The following OPA3 variants were observed in gnomAD, a reference collection of about 807,000 sequenced individuals.
OPA3 encodes outer mitochondrial membrane lipid metabolism regulator OPA3, also known as optic atrophy 3 protein.
Under a neutral mutation model 4.0 loss-of-function variants are expected in OPA3, and 6 were observed. The ratio of observed to expected loss-of-function variants is 1.51; its 90% confidence interval spans 0.83 to 2.99. The LOEUF (loss-of-function observed/expected upper bound fraction) is 2.99, where lower values mean the gene tolerates loss of function less well. Among genes scored for constraint, OPA3 ranks in the 30% most tolerant of loss-of-function variants. The pLI is 0.00. For synonymous variants in OPA3, 105 were observed against 117.1 expected (o/e 0.90, Z 0.67); for missense variants, 235 against 256.2 (o/e 0.92, Z 0.56).
rs188800529 is a variant in OPA3 at position 45,535,829 on chromosome 19, A to G, written c.143-6373T>C. ...ACCCAGGCTGGAGTGCAATAGCACA[A>G]TTATAGCTCACTATAGCCTTGATCT... On this transcript the variant is annotated intron_variant, in intron 1 of 1. Coordinates refer to the OPA3 transcript ENST00000323060. Among the ~76,000 whole-genome samples the G allele has an allele frequency of 1.9e-3, 281 of 150,068 alleles. 1 individual carries two copies. Among genetic ancestry groups the G allele is most frequent in the African/African-American group, 6.4e-3 (260 of 40,634 alleles).
Position 45,548,170 on chromosome 19 carries a change from A to T in OPA3, c.*5344T>A, listed in dbSNP as rs1372154322. 1 of 986,054 alleles carries T rather than the reference A, an allele frequency of 1.0e-6. No homozygotes were observed. Among genetic ancestry groups the T allele is most frequent in the Non-Finnish European group, 1.2e-6 (1 of 830,428 alleles). 61.1% of individuals were successfully genotyped at this position (986,054 alleles called of 1,614,324 possible). The stretch of plus-strand genomic sequence containing the variant: ...CTCTGTCCACACCGACTCCAGCTAC[A>T]AGCCATTGCCACTGGGGGACCCAAG... On this transcript the variant is annotated 3_prime_UTR_variant, in exon 2 of 2. Transcript: ENST00000263275.
At chr19:45,537,410 A>AAAAAAAAAAAAAAAAAAAAACAAG (rs1555730890) in intron 1 of OPA3, among the ~76,000 whole-genome samples, 1 of 120,060 alleles carries the variant, frequency 8.3e-6, no homozygotes, top group African/African-American at 3.3e-5. Flanking sequence ...AAAAAAAAAA[A>AAAAAAAAAAAAAAAAAAAAACAAG]AAAAAAAAAA....
At chr19:45,561,355 A>C (rs542864110) in intron 1 of OPA3, among the ~76,000 whole-genome samples, 1 of 152,258 alleles carries the variant, frequency 6.6e-6, no homozygotes, top group Non-Finnish European at 1.5e-5. Flanking sequence ...AAAGAAAAAA[A>C]GGACAAAGCA....
intron 1 of OPA3, among the ~76,000 whole-genome samples, chr19:45,555,584 G>A (rs897275732): frequency 2.6e-5 from 4 of 151,864 alleles, no homozygotes; most frequent in African/African-American, 7.3e-5. Flanking sequence ...TCCGCCACCC[G>A]GGTTCACACC....
chr19:45,553,817 C>G lies in OPA3; in HGVS notation c.237G>C (p.Leu79=), dbSNP rs943536843. 9 of 1,613,212 alleles carry G rather than the reference C, an allele frequency of 5.6e-6. No individual in the cohort carries two copies. In the Admixed American group the frequency reaches 1.3e-4, roughly 24 times the overall value. The stretch of plus-strand genomic sequence containing the variant: ...TGGCTTCGCCCAGCAGCTCTGCGCC[C>G]AGCTCAGCTGCCGCCTCCTCGTTCA... ...KPLNEEAAAE[L]GAELLGEATI... The change falls in exon 2 of 2, where the codon CTG becomes CTC. Residue 79 remains leucine, a synonymous_variant. Coordinates refer to ENST00000263275, the MANE Select transcript of OPA3 (RefSeq NM_025136.4).
At chr19:45,536,317 G>T (rs1194425375) in intron 1 of OPA3, among the ~76,000 whole-genome samples, 1 of 151,886 alleles carries the variant, frequency 6.6e-6, no homozygotes, top group Non-Finnish European at 1.5e-5. Context: ...GCTGAGGCAG[G>T]CGGATCACAT....
rs183851663 is a variant in OPA3, at chr19:45,553,116, C to A, written c.*398G>T. 8.0e-4 allele frequency: 918 copies of A among 1,152,816 alleles called. 2 individuals carry two copies. The African/African-American group carries it at 0.013, about 17-fold the overall frequency. The allele number at this position is 1,152,816 out of a possible 1,614,324, so 71.4% of individuals were successfully genotyped here. ...CGATTGACAAAAAGAAGAAGGTGTTCCAGTGTAACAGATGAGTGTCCCAGT... is the reference window on the plus strand; with the variant it reads ...CGATTGACAAAAAGAAGAAGGTGTTACAGTGTAACAGATGAGTGTCCCAGT... On this transcript the variant is annotated 3_prime_UTR_variant, in exon 2 of 2. Coordinates refer to ENST00000263275, the MANE Select transcript of OPA3 (RefSeq NM_025136.4).
Position 45,549,305 on chromosome 19 carries a change from C to T in OPA3, c.*4209G>A. On this transcript the variant is annotated 3_prime_UTR_variant, in exon 2 of 2. Transcript: ENST00000263275. ...CCACTTCCACACACTCTGGCCACCC[C>T]TGACGCCGCAGTGGGGGAAGTAGAT... is the stretch of plus-strand genomic sequence containing the variant. 1.0e-6 allele frequency: 1 copy of T among 985,388 alleles called. No homozygotes were observed. The allele number at this position is 985,388 out of a possible 1,614,324, so 61.0% of individuals were successfully genotyped here.
chr19:45,558,535 A>G (rs1969454138), intron 1 of OPA3, among the ~76,000 whole-genome samples: 2 of 152,070 alleles, frequency 1.3e-5, no homozygotes, highest in South Asian at 4.2e-4. Flanking sequence ...AGCCCATAGT[A>G]AGCATACCTC....
At chr19:45,578,867 T>C (rs891847277) in intron 1 of OPA3, among the ~76,000 whole-genome samples, 1 of 152,130 alleles carries the variant, frequency 6.6e-6, no homozygotes, top group African/African-American at 2.4e-5. Context: ...ACTCTGATAT[T>C]GTCCTTCTGC....
chr19:45,558,595 G>A (rs1021164190), intron 1 of OPA3, among the ~76,000 whole-genome samples: 2 of 152,008 alleles, frequency 1.3e-5, no homozygotes, highest in Admixed American at 6.6e-5. Flanking sequence ...CTACGCCATC[G>A]TTACCTACTC....
chr19:45,548,736 GTTTT>G lies in OPA3; in HGVS notation c.*4774_*4777del. 1 of 981,906 alleles carries G rather than the reference GTTTT, an allele frequency of 1.0e-6. No homozygotes were observed. The highest frequency in any genetic ancestry group is 1.2e-6 in the Non-Finnish European group (1 of 827,070). The allele number at this position is 981,906 out of a possible 1,614,324, so 60.8% of individuals were successfully genotyped here. On this transcript the variant is annotated 3_prime_UTR_variant, in exon 2 of 2. Transcript: ENST00000263275. ...TCCCGGTGCGGGACCACCTCAGTGA[GTTTT>G]TTGAGTGAAAGAATAAATAAAGGAT... is the stretch of plus-strand genomic sequence containing the variant.
At chr19:45,577,270 G>GGC (rs1314020338) in intron 1 of OPA3, among the ~76,000 whole-genome samples, 1 of 152,188 alleles carries the variant, frequency 6.6e-6, no homozygotes, top group Non-Finnish European at 1.5e-5. Flanking sequence ...GAGACAGCTG[G>GGC]GCGCAGCCTG....
intron 1 of OPA3, among the ~76,000 whole-genome samples, chr19:45,566,346 T>C (rs1291036803): frequency 4.6e-5 from 7 of 152,108 alleles, no homozygotes; most frequent in Non-Finnish European, 7.4e-5. Flanking sequence ...GTTAGGGCTC[T>C]GCCATGTTGG....
At chr19:45,561,693 C>A (rs954284411) in intron 1 of OPA3, among the ~76,000 whole-genome samples, 2 of 152,062 alleles carry the variant, frequency 1.3e-5, no homozygotes, top group Middle Eastern at 3.2e-3. Flanking sequence ...AAGATCCCAG[C>A]ACTTTGGGAG....
At chr19:45,535,397 G>T (rs1017449615) in intron 1 of OPA3, among the ~76,000 whole-genome samples, 2 of 142,016 alleles carry the variant, frequency 1.4e-5, no homozygotes, top group African/African-American at 5.4e-5. Context: ...TTTGAGATAA[G>T]GTCTCATTCT....
At chr19:45,530,730 A>T (rs961027191) in intron 1 of OPA3, among the ~76,000 whole-genome samples, 15 of 151,818 alleles carry the variant, frequency 9.9e-5, no homozygotes, top group African/African-American at 3.4e-4. Flanking sequence ...AAGTGCTAGG[A>T]TTACAAGCAT....
Position 45,548,199 on chromosome 19 carries a change from G to A in OPA3, c.*5315C>T. 2 of 986,158 alleles carry A rather than the reference G, an allele frequency of 2.0e-6. No individual in the cohort carries two copies. The highest frequency in any genetic ancestry group is 9.4e-5 in the South Asian group (2 of 21,292). 61.1% of individuals were successfully genotyped at this position (986,158 alleles called of 1,614,324 possible). A position where few individuals can be genotyped will look rare whatever the true frequency, so the allele number is the denominator to read the frequency against. On this transcript the variant is annotated 3_prime_UTR_variant, in exon 2 of 2. Coordinates refer to ENST00000263275, the MANE Select transcript of OPA3 (RefSeq NM_025136.4). ...CATTGCCACTGGGGGACCCAAGCCT[G>A]CCACTCAGCAACACAGCGACCAGCC...
intron 1 of OPA3, among the ~76,000 whole-genome samples, chr19:45,531,951 C>T (rs1012537716): frequency 2.1e-4 from 32 of 152,230 alleles, no homozygotes; most frequent in African/African-American, 7.0e-4. Flanking sequence ...TTGCCTTTTA[C>T]TCCTGGGAGG....
Sources: allele counts gnomAD v4.1 joint callset (sites outside exome capture counted in the v4.1 genomes callset), GRCh38; gene constraint gnomAD v4.1.1; transcripts MANE v1.5; gene names NCBI Gene and HGNC (gene_info 2026-07-23, HGNC 2026-07-21).